Variants in MED13 observed in about 807,000 individuals in gnomAD.
MED13 encodes the protein mediator complex subunit 13.
Under a neutral mutation model 225.2 loss-of-function variants are expected in MED13, and 23 were observed. The observed-to-expected ratio is 0.10, with a 90% CI of 0.07 to 0.14. MED13 has a LOEUF of 0.14. MED13 is among the 10% of genes least tolerant of loss of function. The pLI, the probability that MED13 is intolerant of heterozygous loss-of-function variation, is 1.00. For missense variants in MED13, 2,197 were observed against 2,594.5 expected, an observed-to-expected ratio of 0.85 and a Z score of 3.33; for synonymous variants, 942 against 889.2, an observed-to-expected ratio of 1.06 and a Z score of -1.06.
chr17:62,052,731 A>G (rs2080966930), intron 2 of MED13, 26 bp from the exon 3 acceptor site: 5 of 1,526,226 alleles, frequency 3.3e-6, no homozygotes, highest in Non-Finnish European at 4.4e-6. Context: ...AGGAAATAAT[A>G]AAATAGTGAC....
At chr17:62,035,639 G>A in intron 3 of MED13, 31 bp from the exon 4 acceptor site, 1 of 1,583,200 alleles carries the variant, frequency 6.3e-7, no homozygotes, top group Non-Finnish European at 8.6e-7. Context: ...TTATCTTAGT[G>A]ATGACTAGTG....
intron 9 of MED13, among the ~76,000 whole-genome samples, chr17:62,002,413 T>G (rs776555313): frequency 3.4e-4 from 46 of 136,692 alleles, no homozygotes; most frequent in Non-Finnish European, 5.9e-4. Context: ...CACTTGAACC[T>G]GGGAGGCGGA....
At chr17:62,029,773 T>C in intron 7 of MED13, 78 bp downstream of exon 7, 4 of 1,517,566 alleles carry the variant, frequency 2.6e-6, no homozygotes, top group East Asian at 2.3e-5. Flanking sequence ...AACAAATGAC[T>C]GTTTATACTT....
intron 5 of MED13, chr17:62,032,506 A>G (rs544619215): frequency 1.3e-5 from 2 of 152,106 alleles, no homozygotes; most frequent in African/African-American, 4.8e-5. Flanking sequence ...AAAAGATGAA[A>G]TAAGGTGATC....
chr17:62,039,587 ATTTTTTTT>A (rs57066822), intron 3 of MED13, among the ~76,000 whole-genome samples: 32 of 109,364 alleles, frequency 2.9e-4, no homozygotes, highest in African/African-American at 1.1e-3. Flanking sequence ...CCCAGCCAAG[ATTTTTTTT>A]TTTTTTTTTT....
Position 61,982,948 on chromosome 17 carries a change from G to A in MED13, c.3055C>T (p.Arg1019Trp), listed in dbSNP as rs774750862. The change falls in exon 16 of 30, where the codon CGG (arginine) becomes TGG (tryptophan). Residue 1019 changes from arginine (R) to tryptophan (W), a missense_variant. Arg to Trp is a moderately radical substitution (Grantham distance 101, BLOSUM62 -3). Transcript: ENST00000397786. The part of the protein sequence containing the change: ...FPTPRTPRTP[R>W]TPRGAGGPAS... ...GGTCCACCAGCTCCACGAGGAGTCC[G>A]AGGAGTCCTTGGAGTCCTTGGAGTT... 6.2e-7 allele frequency: 1 copy of A among 1,614,092 alleles called. No individual in the cohort carries two copies. The highest frequency in any genetic ancestry group is 8.5e-7 in the Non-Finnish European group (1 of 1,180,018).
At chr17:61,969,109 A>C (rs970818562) in intron 17 of MED13, among the ~76,000 whole-genome samples, 2 of 152,114 alleles carry the variant, frequency 1.3e-5, no homozygotes, top group African/African-American at 4.8e-5. Context: ...TAATTTCAGC[A>C]CTTTGGGAGG....
intron 2 of MED13, among the ~76,000 whole-genome samples, chr17:62,053,965 G>A (rs2080976780): frequency 6.6e-6 from 1 of 152,154 alleles, no homozygotes; most frequent in Non-Finnish European, 1.5e-5. Context: ...TCTCCTAAAT[G>A]ATAGTCAAGT....
At chr17:62,055,847 T>C (rs913618963) in intron 2 of MED13, among the ~76,000 whole-genome samples, 11 of 151,816 alleles carry the variant, frequency 7.2e-5, no homozygotes, top group Non-Finnish European at 1.5e-4. Context: ...TTGAATGTGG[T>C]TTAGAAAAGT....
chr17:62,015,915 C>CACACATATATAT (rs1230248036), intron 8 of MED13, among the ~76,000 whole-genome samples: 25 of 8,606 alleles, frequency 2.9e-3, no homozygotes, highest in East Asian at 0.011. Context: ...ACACTATACA[C>CACACATATATAT]ATATATATAT....
rs943804860 is a variant in MED13 at position 62,021,789 on chromosome 17, G to A, written c.1283+7752C>T. On this transcript the variant is annotated intron_variant, in intron 8 of 29. Coordinates refer to ENST00000397786, the MANE Select transcript of MED13 (RefSeq NM_005121.3). ...TTTTGATGTCACACGTACTTAAATA[G>A]CCCTCTCGCCTACAACTCTTTATCA... 5.3e-5 allele frequency among the ~76,000 whole-genome samples: 8 copies of A among 152,184 alleles called. No individual in the cohort carries two copies. The South Asian group carries it at 6.2e-4, about 12-fold the overall frequency.
chr17:61,951,085 T>C, intron 27 of MED13, 87 bp from the exon 28 acceptor site: 1 of 1,007,836 alleles, frequency 9.9e-7, no homozygotes, highest in Non-Finnish European at 1.4e-6. Flanking sequence ...TAGCAATCAG[T>C]CTCATTATCT....
rs1000193269 is a variant in MED13, at chr17:61,984,425, TAAAC to T, written c.2692-62_2692-59del. 3.2e-4 allele frequency: 411 copies of T among 1,279,864 alleles called. No individual in the cohort carries two copies. The African/African-American group carries it at 4.8e-3, about 15-fold the overall frequency. The allele number at this position is 1,279,864 out of a possible 1,614,324, so 79.3% of individuals were successfully genotyped here. ...TTATCTTCTAGGAGGAAAAAATAAA[TAAAC>T]AAACAGGCTCTGGACCTTTTTTCCT... is the stretch of plus-strand genomic sequence containing the variant. On this transcript the variant is annotated intron_variant, in intron 14 of 29. Transcript: ENST00000397786.
rs530931447 is a variant in MED13, at chr17:61,998,592, C to T, written c.1968-3227G>A. Among the ~76,000 whole-genome samples the T allele has an allele frequency of 2.0e-5, 3 of 148,204 alleles. No individual in the cohort carries two copies. The East Asian group carries it at 5.8e-4, about 29-fold the overall frequency. On this transcript the variant is annotated intron_variant, in intron 9 of 29. Transcript: ENST00000397786. ...ATGCAATAATGTCAAAATCTTCCCA[C>T]CGCCTTTTTTTTTTTTTTTTTTTTT... is the stretch of plus-strand genomic sequence containing the variant.
chr17:61,946,586 T>C lies in MED13; in HGVS notation c.6407A>G (p.Gln2136Arg). The change falls in exon 30 of 30, where the codon CAG (glutamine) becomes CGG (arginine). Residue 2136 changes from glutamine (Q) to arginine (R), a missense_variant. By Grantham distance (43) the Gln-to-Arg change is conservative. Around this residue, in one of 12 missense-constraint regions of MED13, gnomAD observed 216 missense variants for 388.9 expected, o/e 0.56. Transcript: ENST00000397786. ...TSDVLRFVLE[Q>R]YNALSWLTCD... ...GGTTAGCCAGGAGAGTGCATTGTAC[T>C]GTTCCAAAACAAACCTGAAAAGCAA... 6.2e-7 allele frequency: 1 copy of C among 1,612,488 alleles called. No homozygotes were observed. The highest frequency in any genetic ancestry group is 1.1e-5 in the South Asian group (1 of 90,688).
chr17:61,970,093 A>C (rs2080093987), intron 17 of MED13, among the ~76,000 whole-genome samples: 1 of 152,246 alleles, frequency 6.6e-6, no homozygotes, highest in African/African-American at 2.4e-5. Context: ...GGTACTGTTC[A>C]AAGCTCTTTG....
chr17:61,952,515 G>A (rs1417516544), intron 27 of MED13, among the ~76,000 whole-genome samples: 6 of 152,130 alleles, frequency 3.9e-5, no homozygotes, highest in Admixed American at 2.0e-4. Context: ...TAGAAAATAC[G>A]GATTCAGGGA....
At chr17:62,029,687 T>C in intron 7 of MED13, 36 bp from the exon 8 acceptor site, 1 of 1,577,874 alleles carries the variant, frequency 6.3e-7, no homozygotes, top group Non-Finnish European at 8.7e-7. Context: ...TTAAAATTCA[T>C]AAAATTTTCT....
Position 61,990,622 on chromosome 17 carries a change from ACT to A in MED13, c.2263+1916_2263+1917del, listed in dbSNP as rs1491415910. Among the ~76,000 whole-genome samples, 13 of 100,682 alleles carry A rather than the reference ACT, an allele frequency of 1.3e-4. No individual in the cohort carries two copies. The East Asian group carries it at 2.3e-3, about 18-fold the overall frequency. 66.1% of individuals were successfully genotyped at this position (100,682 alleles called of 152,430 possible). A position where few individuals can be genotyped will look rare whatever the true frequency, so the allele number is the denominator to read the frequency against. On this transcript the variant is annotated intron_variant, in intron 11 of 29. Transcript: ENST00000397786. ...ATATATACACACACACACTTGGCGC[ACT>A]GTGTATATATATATATATATATATA... is the stretch of plus-strand genomic sequence containing the variant.
Sources: gnomAD v4.1 joint callset for allele counts (sites outside exome capture counted in the v4.1 genomes callset) on GRCh38, gnomAD v4.1.1 for gene constraint, gnomAD v4.1.1 regional missense constraint, MANE v1.5 for transcripts, NCBI Gene and HGNC (gene_info 2026-07-23, HGNC 2026-07-21) for gene names.